The following SPRED2 variants were observed in gnomAD, a reference collection of about 807,000 sequenced individuals.
SPRED2 encodes sprouty related EVH1 domain containing 2, also known as sprouty-related, EVH1 domain-containing protein 2.
A neutral mutation model predicts 43.0 loss-of-function variants in SPRED2; 47 were observed. The observed-to-expected ratio is 1.09, with a 90% CI of 0.87 to 1.40. The LOEUF is 1.40. Among genes scored for constraint, SPRED2 ranks in the 40% most tolerant of loss-of-function variants. SPRED2 has a pLI of 0.00. For missense variants in SPRED2, 561 were observed against 586.4 expected, an observed-to-expected ratio of 0.96 and a Z score of 0.45; for synonymous variants, 225 against 225.7, an observed-to-expected ratio of 1.00 and a Z score of 0.03.
intron 1 of SPRED2, among the ~76,000 whole-genome samples, chr2:65,358,016 G>C (rs975536264): frequency 2.7e-5 from 4 of 147,730 alleles, no homozygotes; most frequent in Non-Finnish European, 6.1e-5. Context: ...TGTAGTTGTG[G>C]CAGAGGGCTT....
intron 1 of SPRED2, among the ~76,000 whole-genome samples, chr2:65,405,336 A>T (rs564488964): frequency 6.6e-6 from 1 of 152,322 alleles, no homozygotes; most frequent in South Asian, 2.1e-4. Flanking sequence ...GAGTTACTGA[A>T]ATGTCCTTTT....
intron 4 of SPRED2, among the ~76,000 whole-genome samples, chr2:65,327,854 G>A (rs1673684563): frequency 6.6e-6 from 1 of 151,056 alleles, no homozygotes; most frequent in South Asian, 2.1e-4. Context: ...CTCCGGAGTA[G>A]CTGGGATTAC....
At position 65,311,203 on chromosome 2, in the gene SPRED2, T is replaced by G. The variant is rs948807959; in HGVS notation, c.*2298A>C. On this transcript the variant is annotated 3_prime_UTR_variant, in exon 6 of 6. Coordinates refer to ENST00000356388, the MANE Select transcript of SPRED2 (RefSeq NM_181784.3). ...TTCTCTCAAATGATTGACGTCAGTA[T>G]GGCAAAGCTGACTGGGAAAATACTA... is the stretch of plus-strand genomic sequence containing the variant. 3 of 985,770 alleles carry G rather than the reference T, an allele frequency of 3.0e-6. No individual in the cohort carries two copies. The highest frequency in any genetic ancestry group is 1.7e-5 in the African/African-American group (1 of 57,238). The allele number at this position is 985,770 out of a possible 1,614,324, so 61.1% of individuals were successfully genotyped here.
chr2:65,369,271 AC>A (rs1675059325), intron 1 of SPRED2, among the ~76,000 whole-genome samples: 2 of 83,564 alleles, frequency 2.4e-5, no homozygotes, highest in Non-Finnish European at 6.1e-5. Context: ...ATACACATAC[AC>A]ACACACACAC....
At chr2:65,340,774 GT>G (rs1206737735) in intron 2 of SPRED2, among the ~76,000 whole-genome samples, 1 of 152,188 alleles carries the variant, frequency 6.6e-6, no homozygotes, top group Non-Finnish European at 1.5e-5. Flanking sequence ...GCACTACATT[GT>G]AAAAACTGAC....
At position 65,397,878 on chromosome 2, in the gene SPRED2, G is replaced by GA. The variant is rs1030688104; in HGVS notation, c.26+34083dup. Among the ~76,000 whole-genome samples the GA allele has an allele frequency of 8.0e-5, 12 of 150,624 alleles. No homozygotes were observed. The South Asian group carries it at 1.5e-3, about 18-fold the overall frequency. On this transcript the variant is annotated intron_variant, in intron 1 of 5. Coordinates refer to ENST00000356388, the MANE Select transcript of SPRED2 (RefSeq NM_181784.3). Reference sequence around the variant, plus strand: ...ACCACCATTATTCTTCACAGAACTAGAAAAAAAAATCCTAAAATTCACATG... The same window carrying GA: ...ACCACCATTATTCTTCACAGAACTAGAAAAAAAAAATCCTAAAATTCACATG...
intron 1 of SPRED2, among the ~76,000 whole-genome samples, chr2:65,350,995 T>C (rs749775224): frequency 6.6e-6 from 1 of 152,202 alleles, no homozygotes; most frequent in Non-Finnish European, 1.5e-5. Flanking sequence ...CTGAAAGTAG[T>C]GTTACAGGTC....
chr2:65,426,062 T>C (rs1367333856), intron 1 of SPRED2, among the ~76,000 whole-genome samples: 2 of 152,258 alleles, frequency 1.3e-5, no homozygotes, highest in Admixed American at 6.5e-5. Flanking sequence ...CCTGCAGCTA[T>C]TGAAAATTGT....
chr2:65,402,471 C>T (rs1675928736), intron 1 of SPRED2, among the ~76,000 whole-genome samples: 1 of 152,032 alleles, frequency 6.6e-6, no homozygotes, highest in Non-Finnish European at 1.5e-5. Context: ...TATGGAGATA[C>T]TGATATAACT....
At chr2:65,423,786 T>C (rs199854259) in intron 1 of SPRED2, among the ~76,000 whole-genome samples, 1 of 132,188 alleles carries the variant, frequency 7.6e-6, no homozygotes, top group Admixed American at 7.4e-5. Flanking sequence ...TTTTTTTTTT[T>C]CTTTGAGATG....
rs193040097 is a variant in SPRED2 at position 65,398,147 on chromosome 2, C to G, written c.26+33815G>C. Among the ~76,000 whole-genome samples the G allele has an allele frequency of 3.3e-5, 5 of 152,188 alleles. No homozygotes were observed. In the East Asian group the frequency reaches 9.6e-4, roughly 29 times the overall value. ...AAAACTTAAAGCAGAAAAAGAACAC[C>G]CTATTCAACAAATGGTACTGGGATA... On this transcript the variant is annotated intron_variant, in intron 1 of 5. Transcript: ENST00000356388.
chr2:65,319,781 A>G (rs1450746730), intron 4 of SPRED2, among the ~76,000 whole-genome samples: 1 of 152,068 alleles, frequency 6.6e-6, no homozygotes, highest in East Asian at 1.9e-4. Context: ...TCACAGGTAA[A>G]ACACTATCTC....
At chr2:65,400,423 A>G (rs550804431) in intron 1 of SPRED2, among the ~76,000 whole-genome samples, 2 of 152,332 alleles carry the variant, frequency 1.3e-5, no homozygotes, top group African/African-American at 2.4e-5. Flanking sequence ...AGAAACTGAA[A>G]AACTATTCTC....
chr2:65,417,964 C>T (rs2103784896), intron 1 of SPRED2, among the ~76,000 whole-genome samples: 1 of 152,300 alleles, frequency 6.6e-6, no homozygotes, highest in Middle Eastern at 3.4e-3. Context: ...GTCTGATTTA[C>T]AAAATAAGTT....
intron 1 of SPRED2, among the ~76,000 whole-genome samples, chr2:65,360,078 A>T (rs1489262491): frequency 7.5e-5 from 7 of 93,380 alleles, no homozygotes; most frequent in Admixed American, 1.4e-4. Context: ...AAAAAAAAAA[A>T]CAAAAAAAAA....
chr2:65,379,779 A>G (rs1675329317), intron 1 of SPRED2, among the ~76,000 whole-genome samples: 1 of 152,184 alleles, frequency 6.6e-6, no homozygotes, highest in Non-Finnish European at 1.5e-5. Flanking sequence ...AAGTCCTCTA[A>G]GAGATACTTT....
At chr2:65,390,643 C>G (rs1479027374) in intron 1 of SPRED2, among the ~76,000 whole-genome samples, 1 of 152,168 alleles carries the variant, frequency 6.6e-6, no homozygotes, top group Non-Finnish European at 1.5e-5. Context: ...ACAACAGTAT[C>G]TAGTTCATAG....
intron 1 of SPRED2, among the ~76,000 whole-genome samples, chr2:65,366,157 A>C (rs2104329368): frequency 6.6e-6 from 1 of 152,312 alleles, no homozygotes; most frequent in Middle Eastern, 3.4e-3. Context: ...ATCCAACGTA[A>C]CACAATAGTA....
chr2:65,331,438 CA>C (rs1443366755), intron 4 of SPRED2, among the ~76,000 whole-genome samples: 1 of 152,192 alleles, frequency 6.6e-6, no homozygotes, highest in Non-Finnish European at 1.5e-5. Context: ...CAAGCTGTGT[CA>C]AAACAGCTAA....
Sources: allele counts gnomAD v4.1 joint callset (sites outside exome capture counted in the v4.1 genomes callset), GRCh38; gene constraint gnomAD v4.1.1; transcripts MANE v1.5; gene names NCBI Gene and HGNC (gene_info 2026-07-23, HGNC 2026-07-21).